Variants in RADIL observed in about 807,000 individuals in gnomAD.
RADIL encodes ras-associating and dilute domain-containing protein.
A neutral mutation model predicts 97.6 loss-of-function variants in RADIL; 99 were observed. That is an observed-to-expected ratio of 1.01 (90% CI 0.86 to 1.20). RADIL has a LOEUF of 1.20. Among genes scored for constraint, RADIL ranks in the 50% most tolerant of loss-of-function variants. The pLI, the probability that RADIL is intolerant of heterozygous loss-of-function variation, is 0.00. For synonymous variants in RADIL, 803 were observed against 691.8 expected (o/e 1.16, Z -2.52); for missense variants, 1,765 against 1,498.9 (o/e 1.18, Z -2.93).
rs756958445 is a variant in RADIL at position 4,834,931 on chromosome 7, C to T, written c.1092G>A (p.Leu364=). ...GGAGGCGCGCCAAGGCCCGGGCGGGCAGGGGCTGGGCCTGCGCGGGGTCCT... is the reference window on the plus strand; with the variant it reads ...GGAGGCGCGCCAAGGCCCGGGCGGGTAGGGGCTGGGCCTGCGCGGGGTCCT... ...LFKDPAQAQP[L]PARALARLRA... The change falls in exon 4 of 15, where the codon CTG becomes CTA. Residue 364 remains leucine (L), a synonymous_variant. Transcript: ENST00000399583. The surrounding 1 kb of genome is among the most constrained non-coding windows in gnomAD (Gnocchi z 6.0). The T allele has an allele frequency of 4.3e-5, 68 of 1,583,690 alleles. No homozygotes were observed. The highest frequency in any genetic ancestry group is 4.0e-4 in the Admixed American group (23 of 57,062).
At chr7:4,865,717 A>G in intron 2 of RADIL, 1 of 1,046,384 alleles carries the variant, frequency 9.6e-7, no homozygotes, top group Non-Finnish European at 1.5e-6. Flanking sequence ...TCCATCTTCT[A>G]CGGGGTGGGT....
chr7:4,802,871 G>A (rs13244966), intron 11 of RADIL, among the ~76,000 whole-genome samples: 18 of 103,384 alleles, frequency 1.7e-4, no homozygotes, highest in Admixed American at 2.7e-4. Flanking sequence ...CGGGCACCTC[G>A]GGGCACTCTG....
At position 4,822,653 on chromosome 7, in the gene RADIL, G is replaced by A. The variant is rs995011288; in HGVS notation, c.1455-99C>T. On this transcript the variant is annotated intron_variant, in intron 5 of 14. Transcript: ENST00000399583. This position sits in a 1 kb window ranked among gnomAD's most constrained non-coding sequence, Gnocchi z 5.3. ...ATAAGGATGCGCGTTTTCATGGGACGCTGACAACAACTGCAACCATCAACC... is the reference window on the plus strand; with the variant it reads ...ATAAGGATGCGCGTTTTCATGGGACACTGACAACAACTGCAACCATCAACC... The A allele has an allele frequency of 4.4e-6, 6 of 1,360,982 alleles. No individual in the cohort carries two copies. In the African/African-American group the frequency reaches 5.8e-5, roughly 13 times the overall value. The allele number at this position is 1,360,982 out of a possible 1,614,324, so 84.3% of individuals were successfully genotyped here.
chr7:4,853,742 CAA>C (rs34610093), intron 2 of RADIL, among the ~76,000 whole-genome samples: 24 of 101,004 alleles, frequency 2.4e-4, no homozygotes, highest in Admixed American at 7.8e-4. Context: ...AACTCTGTCT[CAA>C]AAAAAAAAAA....
intron 2 of RADIL, among the ~76,000 whole-genome samples, chr7:4,862,377 C>T (rs1784036283): frequency 6.6e-6 from 1 of 152,210 alleles, no homozygotes; most frequent in Admixed American, 6.5e-5. Flanking sequence ...TGTCTTGTTT[C>T]TTGGGCCGTT....
At chr7:4,808,536 A>C (rs915324333) in intron 9 of RADIL, 2 of 970,304 alleles carry the variant, frequency 2.1e-6, no homozygotes, top group African/African-American at 3.5e-5. Flanking sequence ...TGAGAAAAAC[A>C]AAACAAAGAA....
rs756579911 is a variant in RADIL at position 4,877,676 on chromosome 7, C to T, written c.464G>A (p.Arg155Gln). 162 of 1,614,000 alleles carry T rather than the reference C, an allele frequency of 1.0e-4. No homozygotes were observed. The highest frequency in any genetic ancestry group is 8.6e-5 in the Non-Finnish European group (101 of 1,180,004). Reference protein sequence around the residue: ...ELWKPREGLSRRFELRKRSDV... With the variant: ...ELWKPREGLSQRFELRKRSDV... The stretch of plus-strand genomic sequence containing the variant: ...CGACCTCTTCCTCAGCTCAAACCTC[C>T]GGGATAAACCTTCTCGGGGTTTCCA... The change falls in exon 2 of 15, where the codon CGG becomes CAG. Residue 155 changes from arginine to glutamine, a missense_variant. By Grantham distance (43) the Arg-to-Gln change is conservative. Coordinates refer to ENST00000399583, the MANE Select transcript of RADIL (RefSeq NM_018059.5).
chr7:4,838,613 T>C (rs1337824647), intron 2 of RADIL, among the ~76,000 whole-genome samples: 1 of 152,084 alleles, frequency 6.6e-6, no homozygotes, highest in Non-Finnish European at 1.5e-5. Context: ...TCGGAACCAA[T>C]GCTGACACGC....
chr7:4,817,145 C>T lies in RADIL; in HGVS notation c.1728+94G>A. On this transcript the variant is annotated intron_variant, in intron 7 of 14. Transcript: ENST00000399583. This position sits in a 1 kb window ranked among gnomAD's most constrained non-coding sequence, Gnocchi z 8.3. ...TGTCACGGTCCCCTCCCTCAGCCCC[C>T]CAGAAGGCTCCTTAGGAGAGCCACA... The T allele has an allele frequency of 3.6e-6, 4 of 1,124,214 alleles. No homozygotes were observed. The highest frequency in any genetic ancestry group is 5.2e-6 in the Non-Finnish European group (4 of 774,634). 69.6% of individuals were successfully genotyped at this position (1,124,214 alleles called of 1,614,324 possible). A position where few individuals can be genotyped will look rare whatever the true frequency, so the allele number is the denominator to read the frequency against.
chr7:4,861,313 C>T (rs1272801525), intron 2 of RADIL: 1 of 1,614,060 alleles, frequency 6.2e-7, no homozygotes. Context: ...AAATATCAAT[C>T]TCTATCCCAT....
In RADIL at chr7:4,835,989, C is replaced by T. The variant is rs967927281; in HGVS notation, c.783+369G>A. ...CCAATTGGTGACTCAGCAGCCCCCT[C>T]GCCAGAAGCAGGAAGCAGACTGGCC... On this transcript the variant is annotated intron_variant, in intron 3 of 14. Coordinates refer to ENST00000399583, the MANE Select transcript of RADIL (RefSeq NM_018059.5). This position sits in a 1 kb window ranked among gnomAD's most constrained non-coding sequence, Gnocchi z 5.8. Among the ~76,000 whole-genome samples the T allele has an allele frequency of 6.6e-6, 1 of 152,234 alleles. No individual in the cohort carries two copies. The highest frequency in any genetic ancestry group is 2.1e-4 in the South Asian group (1 of 4,832).
intron 5 of RADIL, among the ~76,000 whole-genome samples, chr7:4,826,732 C>CAA (rs56036708): frequency 4.7e-5 from 4 of 85,532 alleles, no homozygotes; most frequent in African/African-American, 1.1e-4. Context: ...GACTCCGTCT[C>CAA]AAAAAAAAAA....
In RADIL at chr7:4,798,302, T is replaced by C. The variant is rs987060514; in HGVS notation, c.*1076A>G. 3 of 152,130 alleles carry C rather than the reference T, an allele frequency of 2.0e-5. No homozygotes were observed. Among genetic ancestry groups the C allele is most frequent in the Admixed American group, 1.3e-4 (2 of 15,272 alleles). 9.4% of individuals were successfully genotyped at this position (152,130 alleles called of 1,614,324 possible). On this transcript the variant is annotated 3_prime_UTR_variant, in exon 15 of 15. Transcript: ENST00000399583. ...CGCACACCAGGGGGCAGCGTGGAGC[T>C]GCACGAGGCCCAGGGCCTGGGACAG...
rs1244662214 is a variant in RADIL at position 4,819,088 on chromosome 7, T to TC, written c.1616-1738_1616-1737insG. On this transcript the variant is annotated intron_variant, in intron 6 of 14. Transcript: ENST00000399583. This position sits in a 1 kb window ranked among gnomAD's most constrained non-coding sequence, Gnocchi z 5.8. ...TCTCTCTCTCTTTTTTTTTTTTTTT[T>TC]AAAGACAGAGTCTCACTCTGTCGCC... 1.4e-5 allele frequency among the ~76,000 whole-genome samples: 2 copies of TC among 145,774 alleles called. No homozygotes were observed. The highest frequency in any genetic ancestry group is 3.0e-5 in the Non-Finnish European group (2 of 66,726).
rs1232263443 is a variant in RADIL, at chr7:4,817,605, C to CAGCCA, written c.1616-255_1616-254insTGGCT. 6.6e-6 allele frequency among the ~76,000 whole-genome samples: 1 copy of CAGCCA among 152,080 alleles called. No individual in the cohort carries two copies. Among genetic ancestry groups the CAGCCA allele is most frequent in the African/African-American group, 2.4e-5 (1 of 41,404 alleles). On this transcript the variant is annotated intron_variant, in intron 6 of 14. Coordinates refer to ENST00000399583, the MANE Select transcript of RADIL (RefSeq NM_018059.5). This position sits in a 1 kb window ranked among gnomAD's most constrained non-coding sequence, Gnocchi z 8.3. ...TCCAGACACCCAACATCTCAATGCC[C>CAGCCA]AGCCCAGCCCAGCCCAAGCGCTCAT...
chr7:4,805,448 C>T lies in RADIL; in HGVS notation c.2290+118G>A, dbSNP rs558308244. The T allele has an allele frequency of 7.6e-6, 10 of 1,319,048 alleles. No homozygotes were observed. In the South Asian group the frequency reaches 1.3e-4, roughly 17 times the overall value. 81.7% of individuals were successfully genotyped at this position (1,319,048 alleles called of 1,614,324 possible). ...GGGTGGAGGCTCCTCCAGGGAGGTC[C>T]CCAGGAGAGAGGTCCCCCACACCCC... On this transcript the variant is annotated intron_variant, in intron 10 of 14. Transcript: ENST00000399583.
intron 2 of RADIL, among the ~76,000 whole-genome samples, chr7:4,850,220 A>AAAAAAAC (rs2115019943): frequency 6.7e-6 from 1 of 148,476 alleles, no homozygotes; most frequent in Admixed American, 6.6e-5. Flanking sequence ...TCCCTTTAAA[A>AAAAAAAC]AAAAAAAAAA....
At chr7:4,804,928 T>A (rs1782244764) in intron 10 of RADIL, among the ~76,000 whole-genome samples, 1 of 151,932 alleles carries the variant, frequency 6.6e-6, no homozygotes, top group Admixed American at 6.6e-5. Flanking sequence ...AACCCGTCTC[T>A]ACTAAAGATT....
At chr7:4,816,581 G>A (rs909945008) in intron 7 of RADIL, 116 bp from the exon 8 acceptor site, 14 of 790,466 alleles carry the variant, frequency 1.8e-5, no homozygotes, top group African/African-American at 6.8e-5. Flanking sequence ...ACCCGGCCTC[G>A]GTAGCTTCCT....
Sources: gnomAD v4.1 joint callset for allele counts (sites outside exome capture counted in the v4.1 genomes callset) on GRCh38, gnomAD v4.1.1 for gene constraint, Gnocchi (gnomAD v3.1) non-coding constraint, MANE v1.5 for transcripts, NCBI Gene and HGNC (gene_info 2026-07-23, HGNC 2026-07-21) for gene names.